OR5D13: variants seen among roughly 807,000 people sequenced by gnomAD.
OR5D13 encodes the protein olfactory receptor family 5 subfamily D member 13.
For missense variants in OR5D13, 470 were observed against 372.1 expected (o/e 1.26, Z -2.16); for synonymous variants, 192 against 134.3 (o/e 1.43, Z -2.97).
At position 55,774,078 on chromosome 11, in the gene OR5D13, T is replaced by A. The variant is rs762561286; in HGVS notation, c.641T>A (p.Ile214Asn). 5.6e-5 allele frequency: 91 copies of A among 1,613,948 alleles called. No homozygotes were observed. The highest frequency in any genetic ancestry group is 7.6e-5 in the Non-Finnish European group (90 of 1,180,014). ...IAIFNEVSSL[I>N]IILTSYMLIF... ...ATATTCAATGAGGTGAGCAGCCTAA[T>A]TATCATTCTGACATCATATATGCTT... The change falls in exon 1 of 1, where the codon ATT becomes AAT. Residue 214 changes from isoleucine (I) to asparagine (N), a missense_variant. Transcript: ENST00000623930.
chr11:55,773,690 G>A lies in OR5D13; in HGVS notation c.253G>A (p.Glu85Lys), dbSNP rs1290933126. The A allele has an allele frequency of 1.9e-6, 3 of 1,613,676 alleles. No homozygotes were observed. The highest frequency in any genetic ancestry group is 2.5e-6 in the Non-Finnish European group (3 of 1,179,950). ...CACTGTAGTTACACCTAAACTGTTG[G>A]AGAACTTGGTTGTGGAATACAGAAC... is the stretch of plus-strand genomic sequence containing the variant. The part of the protein sequence containing the change: ...FSTVVTPKLL[E>K]NLVVEYRTIS... The change falls in exon 1 of 1, where the codon GAG (glutamate) becomes AAG (lysine). Residue 85 changes from glutamate (E) to lysine (K), a missense_variant. Physicochemically the swap from Glu to Lys is moderately conservative, Grantham distance 56 (BLOSUM62 1). Transcript: ENST00000623930.
At position 55,773,918 on chromosome 11, in the gene OR5D13, C is replaced by G; in HGVS notation, c.481C>G (p.Leu161Val). Reference sequence around the variant, plus strand: ...ATGGGGGATAGTGTGCTCCCTGATACTCACATATTTTCTTCTTGACTTATC... The same window carrying G: ...ATGGGGGATAGTGTGCTCCCTGATAGTCACATATTTTCTTCTTGACTTATC... ...YTWGIVCSLI[L>V]TYFLLDLSFC... Residue 161 changes from leucine to valine, a missense_variant, in exon 1 of 1, where the codon CTC (leucine) becomes GTC (valine). By Grantham distance (32) the Leu-to-Val change is conservative. Coordinates refer to ENST00000623930, the MANE Select transcript of OR5D13 (RefSeq NM_001001967.1). 6.2e-7 allele frequency: 1 copy of G among 1,612,774 alleles called. No individual in the cohort carries two copies. The highest frequency in any genetic ancestry group is 8.5e-7 in the Non-Finnish European group (1 of 1,179,010).
rs200923301 is a variant in OR5D13, at chr11:55,773,500, A to G, written c.63A>G (p.Glu21=). 4.3e-6 allele frequency: 7 copies of G among 1,613,132 alleles called. No homozygotes were observed. In the African/African-American group the frequency reaches 8.0e-5, roughly 18 times the overall value. The change falls in exon 1 of 1, where the codon GAA becomes GAG. Residue 21 remains glutamate (E), a synonymous_variant. Coordinates refer to ENST00000623930, the MANE Select transcript of OR5D13 (RefSeq NM_001001967.1). ...CTTTTATTCTCTTGGGTTTTTCAGAATACCCAGAAATCCAGGTTCCACTCT... is the reference window on the plus strand; with the variant it reads ...CTTTTATTCTCTTGGGTTTTTCAGAGTACCCAGAAATCCAGGTTCCACTCT... The part of the protein sequence containing the change: ...TPTFILLGFS[E]YPEIQVPLFL...
At position 55,774,228 on chromosome 11, in the gene OR5D13, C is replaced by T; in HGVS notation, c.791C>T (p.Pro264Leu). The change falls in exon 1 of 1, where the codon CCT (proline) becomes CTT (leucine). Residue 264 changes from proline (P) to leucine (L), a missense_variant. Pro to Leu is a moderately conservative substitution (Grantham distance 98). Coordinates refer to ENST00000623930, the MANE Select transcript of OR5D13 (RefSeq NM_001001967.1). ...HGTILFLYCV[P>L]NPKTSSLIVT... is the part of the protein sequence containing the mutation. ...ACTATCCTTTTCCTTTACTGTGTTC[C>T]TAATCCTAAAACTTCTAGCCTCATA... The T allele has an allele frequency of 2.5e-6, 4 of 1,613,812 alleles. No individual in the cohort carries two copies. Among genetic ancestry groups the T allele is most frequent in the Non-Finnish European group, 3.4e-6 (4 of 1,179,958 alleles).
Position 55,773,828 on chromosome 11 carries a change from C to T in OR5D13, c.391C>T (p.Pro131Ser). The T allele has an allele frequency of 6.2e-7, 1 of 1,613,874 alleles. No individual in the cohort carries two copies. Among genetic ancestry groups the T allele is most frequent in the Non-Finnish European group, 8.5e-7 (1 of 1,179,974 alleles). The change falls in exon 1 of 1, where the codon CCC becomes TCC. Residue 131 changes from proline (P) to serine (S), a missense_variant. Transcript: ENST00000623930. ...AYDRFVAVCKPLLYTTIMSQK... is the reference protein window; with the variant it reads ...AYDRFVAVCKSLLYTTIMSQK... Reference sequence around the variant, plus strand: ...TGACCGTTTTGTGGCAGTTTGTAAACCCTTGCTGTATACCACTATTATGTC... The same window carrying T: ...TGACCGTTTTGTGGCAGTTTGTAAATCCTTGCTGTATACCACTATTATGTC...
chr11:55,773,656 C>T lies in OR5D13; in HGVS notation c.219C>T (p.Phe73=). ...FFLSHLSLTD[F]CFSTVVTPKL... ...TTAGTCACTTGTCCTTGACAGACTT[C>T]TGTTTTTCCACTGTAGTTACACCTA... Residue 73 remains phenylalanine (F), a synonymous_variant, in exon 1 of 1, where the codon TTC becomes TTT. Transcript: ENST00000623930. 1.2e-6 allele frequency: 2 copies of T among 1,613,282 alleles called. No individual in the cohort carries two copies. The highest frequency in any genetic ancestry group is 1.7e-6 in the Non-Finnish European group (2 of 1,179,516).
rs1360942770 is a variant in OR5D13 at position 55,773,470 on chromosome 11, A to T, written c.33A>T (p.Thr11=). MMASERNQSS[T]PTFILLGFSE... ...CATCTGAAAGAAATCAAAGCAGCAC[A>T]CCCACTTTTATTCTCTTGGGTTTTT... is the stretch of plus-strand genomic sequence containing the variant. The change falls in exon 1 of 1, where the codon ACA becomes ACT. Residue 11 remains threonine (T), a synonymous_variant. Coordinates refer to ENST00000623930, the MANE Select transcript of OR5D13 (RefSeq NM_001001967.1). 6.2e-7 allele frequency: 1 copy of T among 1,607,140 alleles called. No individual in the cohort carries two copies. Among genetic ancestry groups the T allele is most frequent in the Non-Finnish European group, 8.5e-7 (1 of 1,177,984 alleles).
Position 55,774,138 on chromosome 11 carries a change from G to A in OR5D13, c.701G>A (p.Ser234Asn). Residue 234 changes from serine (S) to asparagine (N), a missense_variant, in exon 1 of 1, where the codon AGT becomes AAT. Physicochemically the swap from Ser to Asn is conservative, Grantham distance 46. Transcript: ENST00000623930. The part of the protein sequence containing the change: ...FTTIMKMRSA[S>N]GRQKTFSTCA... ...ACCATTATGAAGATGCGATCTGCAA[G>A]TGGGCGCCAGAAAACTTTCTCCACC... 1 of 1,613,742 alleles carries A rather than the reference G, an allele frequency of 6.2e-7. No homozygotes were observed. The highest frequency in any genetic ancestry group is 8.5e-7 in the Non-Finnish European group (1 of 1,179,946).
In OR5D13 at chr11:55,773,794, G is replaced by A. The variant is rs762902210; in HGVS notation, c.357G>A (p.Ala119=). 28 of 1,613,706 alleles carry A rather than the reference G, an allele frequency of 1.7e-5. No individual in the cohort carries two copies. Among genetic ancestry groups the A allele is most frequent in the Non-Finnish European group, 2.2e-5 (26 of 1,179,904 alleles). ...TGACAGAAACTTTCATGTTAGCAGC[G>A]ATGGCTTATGACCGTTTTGTGGCAG... ...FGVTETFMLA[A]MAYDRFVAVC... is the part of the protein sequence containing the mutation. The change falls in exon 1 of 1, where the codon GCG becomes GCA. Residue 119 remains alanine, a synonymous_variant. Transcript: ENST00000623930.
In OR5D13 at chr11:55,773,443, G is replaced by A. The variant is rs749503365; in HGVS notation, c.6G>A (p.Met2Ile). 7 of 1,587,130 alleles carry A rather than the reference G, an allele frequency of 4.4e-6. No individual in the cohort carries two copies. The highest frequency in any genetic ancestry group is 5.1e-6 in the Non-Finnish European group (6 of 1,167,368). Residue 2 changes from methionine (M) to isoleucine (I), a missense_variant, in exon 1 of 1, where the codon ATG becomes ATA. Physicochemically the swap from Met to Ile is conservative, Grantham distance 10. Coordinates refer to ENST00000623930, the MANE Select transcript of OR5D13 (RefSeq NM_001001967.1). MMASERNQSSTP... is the reference protein window; with the variant it reads MIASERNQSSTP... ...CTTTTAATCCAACAAGTATCATGATGGCATCTGAAAGAAATCAAAGCAGCA... is the reference window on the plus strand; with the variant it reads ...CTTTTAATCCAACAAGTATCATGATAGCATCTGAAAGAAATCAAAGCAGCA...
chr11:55,774,062 G>T lies in OR5D13; in HGVS notation c.625G>T (p.Glu209Ter). The stretch of plus-strand genomic sequence containing the variant: ...ATGCTTTATTATTGCCATATTCAAT[G>T]AGGTGAGCAGCCTAATTATCATTCT... The part of the protein sequence containing the change: ...RLCFIIAIFN[E>*]VSSLIIILTS... The change falls in exon 1 of 1, where the codon GAG becomes TAG. Residue 209 changes from glutamate (E) to a stop codon, truncating the protein, a stop_gained. Coordinates refer to ENST00000623930, the MANE Select transcript of OR5D13 (RefSeq NM_001001967.1). LOFTEE classifies it low-confidence loss of function (END_TRUNC). 1 of 1,613,770 alleles carries T rather than the reference G, an allele frequency of 6.2e-7. No individual in the cohort carries two copies. Among genetic ancestry groups the T allele is most frequent in the Non-Finnish European group, 8.5e-7 (1 of 1,179,932 alleles).
Position 55,773,931 on chromosome 11 carries a change from T to A in OR5D13, c.494T>A (p.Leu165His). The A allele has an allele frequency of 6.2e-7, 1 of 1,613,616 alleles. No individual in the cohort carries two copies. The highest frequency in any genetic ancestry group is 8.5e-7 in the Non-Finnish European group (1 of 1,179,730). ...TGCTCCCTGATACTCACATATTTTC[T>A]TCTTGACTTATCGTTTTGTGAATCT... The part of the protein sequence containing the change: ...IVCSLILTYF[L>H]LDLSFCESTF... Residue 165 changes from leucine (L) to histidine (H), a missense_variant, in exon 1 of 1, where the codon CTT becomes CAT. Leu to His is a moderately conservative substitution (Grantham distance 99, BLOSUM62 -3). Transcript: ENST00000623930.
In OR5D13 at chr11:55,773,930, CT is replaced by C; in HGVS notation, c.495del (p.Asp167ThrfsTer10). 6.2e-7 allele frequency: 1 copy of C among 1,613,356 alleles called. No homozygotes were observed. Among genetic ancestry groups the C allele is most frequent in the Non-Finnish European group, 8.5e-7 (1 of 1,179,562 alleles). On this transcript the variant is annotated frameshift_variant, in exon 1 of 1. Transcript: ENST00000623930. LOFTEE classifies it low-confidence loss of function (END_TRUNC). ...GTGCTCCCTGATACTCACATATTTT[CT>C]TCTTGACTTATCGTTTTGTGAATCT... ...IVCSLILTYF[L>X]LDLSFCESTF...
chr11:55,774,091 A>T lies in OR5D13; in HGVS notation c.654A>T (p.Thr218=). The T allele has an allele frequency of 6.2e-7, 1 of 1,613,842 alleles. No homozygotes were observed. The highest frequency in any genetic ancestry group is 8.5e-7 in the Non-Finnish European group (1 of 1,180,000). Residue 218 remains threonine (T), a synonymous_variant, in exon 1 of 1, where the codon ACA becomes ACT. Coordinates refer to ENST00000623930, the MANE Select transcript of OR5D13 (RefSeq NM_001001967.1). Reference sequence around the variant, plus strand: ...TGAGCAGCCTAATTATCATTCTGACATCATATATGCTTATTTTCACTACCA... The same window carrying T: ...TGAGCAGCCTAATTATCATTCTGACTTCATATATGCTTATTTTCACTACCA... The part of the protein sequence containing the change: ...NEVSSLIIIL[T]SYMLIFTTIM...
rs766341159 is a variant in OR5D13, at chr11:55,773,806, C to T, written c.369C>T (p.Asp123=). The change falls in exon 1 of 1, where the codon GAC becomes GAT. Residue 123 remains aspartate, a synonymous_variant. Coordinates refer to ENST00000623930, the MANE Select transcript of OR5D13 (RefSeq NM_001001967.1). The stretch of plus-strand genomic sequence containing the variant: ...TCATGTTAGCAGCGATGGCTTATGA[C>T]CGTTTTGTGGCAGTTTGTAAACCCT... ...ETFMLAAMAY[D]RFVAVCKPLL... 8 of 1,613,734 alleles carry T rather than the reference C, an allele frequency of 5.0e-6. No homozygotes were observed. In the Admixed American group the frequency reaches 1.3e-4, roughly 27 times the overall value.
At position 55,773,938 on chromosome 11, in the gene OR5D13, C is replaced by T. The variant is rs758892554; in HGVS notation, c.501C>T (p.Asp167=). 1.2e-6 allele frequency: 2 copies of T among 1,613,448 alleles called. No homozygotes were observed. Among genetic ancestry groups the T allele is most frequent in the East Asian group, 2.2e-5 (1 of 44,854 alleles). ...TGATACTCACATATTTTCTTCTTGA[C>T]TTATCGTTTTGTGAATCTACCTTCA... The part of the protein sequence containing the change: ...CSLILTYFLL[D]LSFCESTFIN... The change falls in exon 1 of 1, where the codon GAC becomes GAT. Residue 167 remains aspartate, a synonymous_variant. Coordinates refer to ENST00000623930, the MANE Select transcript of OR5D13 (RefSeq NM_001001967.1).
In OR5D13 at chr11:55,773,689, G is replaced by C. The variant is rs1454646759; in HGVS notation, c.252G>C (p.Leu84Phe). 1.2e-6 allele frequency: 2 copies of C among 1,613,620 alleles called. No homozygotes were observed. The highest frequency in any genetic ancestry group is 1.7e-6 in the Non-Finnish European group (2 of 1,179,892). ...CFSTVVTPKL[L>F]ENLVVEYRTI... ...CCACTGTAGTTACACCTAAACTGTT[G>C]GAGAACTTGGTTGTGGAATACAGAA... The change falls in exon 1 of 1, where the codon TTG (leucine) becomes TTC (phenylalanine). Residue 84 changes from leucine to phenylalanine, a missense_variant. Physicochemically the swap from Leu to Phe is conservative, Grantham distance 22. Transcript: ENST00000623930.
At position 55,774,262 on chromosome 11, in the gene OR5D13, G is replaced by A; in HGVS notation, c.825G>A (p.Val275=). ...NPKTSSLIVT[V]ASVFYTVAIP... is the part of the protein sequence containing the mutation. ...AAACTTCTAGCCTCATAGTTACAGT[G>A]GCTTCTGTGTTTTACACAGTGGCGA... The change falls in exon 1 of 1, where the codon GTG becomes GTA. Residue 275 remains valine, a synonymous_variant. Transcript: ENST00000623930. The A allele has an allele frequency of 6.2e-7, 1 of 1,613,524 alleles. No homozygotes were observed. Among genetic ancestry groups the A allele is most frequent in the Non-Finnish European group, 8.5e-7 (1 of 1,179,780 alleles).
Position 55,774,192 on chromosome 11 carries a change from T to C in OR5D13, c.755T>C (p.Ile252Thr). The C allele has an allele frequency of 3.1e-6, 5 of 1,613,864 alleles. No individual in the cohort carries two copies. Among genetic ancestry groups the C allele is most frequent in the Non-Finnish European group, 4.2e-6 (5 of 1,179,978 alleles). The stretch of plus-strand genomic sequence containing the variant: ...GCCTCCCACCTGACAGCCATCACTA[T>C]CTTCCATGGAACTATCCTTTTCCTT... ...TCASHLTAITIFHGTILFLYC... is the reference protein window; with the variant it reads ...TCASHLTAITTFHGTILFLYC... Residue 252 changes from isoleucine to threonine, a missense_variant, in exon 1 of 1, where the codon ATC becomes ACC. By Grantham distance (89) the Ile-to-Thr change is moderately conservative (BLOSUM62 -1). Coordinates refer to ENST00000623930, the MANE Select transcript of OR5D13 (RefSeq NM_001001967.1).
Sources: gnomAD v4.1 joint callset for allele counts on GRCh38, gnomAD v4.1.1 for gene constraint, MANE v1.5 for transcripts, NCBI Gene and HGNC (gene_info 2026-07-23, HGNC 2026-07-21) for gene names.